Variants in GDAP1 observed in about 807,000 individuals in gnomAD.
GDAP1 encodes ganglioside induced differentiation associated protein 1.
In GDAP1, 34 loss-of-function variants were observed where a neutral mutation model predicts 40.1. The ratio of observed to expected loss-of-function variants is 0.85; its 90% CI spans 0.64 to 1.13. The LOEUF is 1.13. GDAP1 is among the 50% of genes most tolerant of loss of function. The pLI is 0.00. For synonymous variants in GDAP1, 170 were observed against 157.4 expected, an observed-to-expected ratio of 1.08 and a Z score of -0.60; for missense variants, 374 against 433.7, an observed-to-expected ratio of 0.86 and a Z score of 1.22.
intron 4 of GDAP1, among the ~76,000 whole-genome samples, chr8:74,362,223 C>A (rs774281600): frequency 6.6e-6 from 1 of 152,126 alleles, no homozygotes; most frequent in Non-Finnish European, 1.5e-5. Flanking sequence ...TTATGAAATG[C>A]AAAGGAAGTT....
intron 2 of GDAP1, among the ~76,000 whole-genome samples, chr8:74,446,808 A>G (rs892372418): frequency 6.6e-6 from 1 of 152,180 alleles, no homozygotes; most frequent in African/African-American, 2.4e-5. Context: ...GTCAGACATA[A>G]AAGACCGTGT....
At chr8:74,357,005 G>A (rs888174230) in intron 2 of GDAP1, among the ~76,000 whole-genome samples, 12 of 152,026 alleles carry the variant, frequency 7.9e-5, no homozygotes, top group Non-Finnish European at 1.3e-4. Context: ...ATGAGCCACC[G>A]TGCCCAGCCT....
chr8:74,360,998 CT>C (rs1268129295), intron 3 of GDAP1, among the ~76,000 whole-genome samples: 2 of 152,140 alleles, frequency 1.3e-5, no homozygotes, highest in Non-Finnish European at 2.9e-5. Flanking sequence ...TGATACTCAC[CT>C]TTATTATTCT....
At chr8:74,474,824 G>T (rs1586846564) in intron 2 of GDAP1, among the ~76,000 whole-genome samples, 2 of 152,242 alleles carry the variant, frequency 1.3e-5, no homozygotes, top group Admixed American at 1.3e-4. Context: ...AGTTGGGGAG[G>T]GATCCCTTCT....
intron 2 of GDAP1, among the ~76,000 whole-genome samples, chr8:74,386,824 A>G (rs932549320): frequency 2.0e-5 from 3 of 152,320 alleles, no homozygotes; most frequent in Admixed American, 2.0e-4. Flanking sequence ...TGAGCATGGA[A>G]TATTTTTCCA....
At chr8:74,394,618 C>T (rs1404297759) in intron 2 of GDAP1, among the ~76,000 whole-genome samples, 1 of 151,544 alleles carries the variant, frequency 6.6e-6, no homozygotes, top group African/African-American at 2.4e-5. Context: ...TTTTAAAGCA[C>T]TTGATTTGTA....
intron 2 of GDAP1, among the ~76,000 whole-genome samples, chr8:74,430,208 T>C (rs1308230385): frequency 6.6e-6 from 1 of 152,234 alleles, no homozygotes; most frequent in Non-Finnish European, 1.5e-5. Context: ...CTGAAGGGCA[T>C]TTTTATACAT....
rs560698305 is a variant in GDAP1 at position 74,464,168 on chromosome 8, G to T, written c.166-24510G>T. The stretch of plus-strand genomic sequence containing the variant: ...GACTTTTATCAACAAAACAGGTTTG[G>T]GTGAGGCATGCTAGAACCCCAAAGT... On this transcript the variant is annotated intron_variant, in intron 2 of 2. Transcript: ENST00000523640. 7.9e-5 allele frequency among the ~76,000 whole-genome samples: 12 copies of T among 152,186 alleles called. 1 individual carries two copies. The highest frequency in any genetic ancestry group is 2.9e-4 in the African/African-American group (12 of 41,510).
At position 74,444,018 on chromosome 8, in the gene GDAP1, CT is replaced by C. The variant is rs112748774; in HGVS notation, c.166-44659del. ...TCTATCTATCTATCTATCTATCTAT[CT>C]ATCTATCATCTATCATCTATTATAG... On this transcript the variant is annotated intron_variant, in intron 2 of 2. Coordinates refer to the GDAP1 transcript ENST00000523640. Among the ~76,000 whole-genome samples the C allele has an allele frequency of 3.2e-3, 357 of 110,254 alleles. 1 individual carries two copies. Among genetic ancestry groups the C allele is most frequent in the African/African-American group, 9.6e-3 (321 of 33,596 alleles). The allele number at this position is 110,254 out of a possible 152,430, so 72.3% of individuals were successfully genotyped here. A position where few individuals can be genotyped will look rare whatever the true frequency, so the allele number is the denominator to read the frequency against.
Position 74,364,242 on chromosome 8 carries a change from A to G in GDAP1, c.952A>G (p.Lys318Glu), listed in dbSNP as rs1809515744. The G allele has an allele frequency of 6.2e-7, 1 of 1,614,082 alleles. No individual in the cohort carries two copies. Among genetic ancestry groups the G allele is most frequent in the African/African-American group, 1.3e-5 (1 of 74,930 alleles). The change falls in exon 6 of 6, where the codon AAA becomes GAA. Residue 318 changes from lysine to glutamate, a missense_variant. Transcript: ENST00000220822. ...AFRVAKKRAP[K>E]VLGTTLVVGL... is the part of the protein sequence containing the mutation. ...CCGGGTGGCCAAGAAAAGGGCCCCAAAAGTTCTTGGCACGACCCTTGTGGT... is the reference window on the plus strand; with the variant it reads ...CCGGGTGGCCAAGAAAAGGGCCCCAGAAGTTCTTGGCACGACCCTTGTGGT...
At position 74,364,479 on chromosome 8, in the gene GDAP1, A is replaced by G; in HGVS notation, c.*112A>G. 1 of 1,113,824 alleles carries G rather than the reference A, an allele frequency of 9.0e-7. No homozygotes were observed. The highest frequency in any genetic ancestry group is 1.4e-6 in the Non-Finnish European group (1 of 740,538). 69.0% of individuals were successfully genotyped at this position (1,113,824 alleles called of 1,614,324 possible). On this transcript the variant is annotated 3_prime_UTR_variant, in exon 6 of 6. Transcript: ENST00000220822. ...AGTAGTTAGCAGTATTTTTTCCTAA[A>G]ATTCAGAAGTCATCTTTGTTACACA... is the stretch of plus-strand genomic sequence containing the variant.
At chr8:74,427,615 C>T (rs559142558) in intron 2 of GDAP1, among the ~76,000 whole-genome samples, 1 of 152,078 alleles carries the variant, frequency 6.6e-6, no homozygotes, top group Non-Finnish European at 1.5e-5. Context: ...TGTCTTTGTA[C>T]CCTGAGAGGC....
chr8:74,423,222 T>A (rs13280441), intron 2 of GDAP1, among the ~76,000 whole-genome samples: 62,677 of 146,336 alleles, frequency 0.43, 14,114 homozygotes, highest in African/African-American at 0.58. Context: ...ATATGTATAC[T>A]ATATATAATA....
At chr8:74,358,026 C>G (rs1407238152) in intron 2 of GDAP1, among the ~76,000 whole-genome samples, 1 of 152,156 alleles carries the variant, frequency 6.6e-6, no homozygotes, top group Non-Finnish European at 1.5e-5. Flanking sequence ...CCCTGTGATA[C>G]TGGAGAGGGC....
rs1055897282 is a variant in GDAP1, at chr8:74,398,428, C to T, written c.165+47107C>T. Among the ~76,000 whole-genome samples, 6 of 152,252 alleles carry T rather than the reference C, an allele frequency of 3.9e-5. No homozygotes were observed. In the East Asian group the frequency reaches 1.2e-3, roughly 29 times the overall value. On this transcript the variant is annotated intron_variant, in intron 2 of 2. Coordinates refer to the GDAP1 transcript ENST00000523640. ...CTGAGACTTTGCTGAAGTTGCTTCT[C>T]AGCTTAAGGAGATTTTGGGCTGAAG...
intron 2 of GDAP1, among the ~76,000 whole-genome samples, chr8:74,396,410 G>A (rs925700584): frequency 8.6e-5 from 13 of 150,854 alleles, no homozygotes; most frequent in Non-Finnish European, 1.8e-4. Flanking sequence ...CAATATGCAG[G>A]TTAGTTACAT....
intron 2 of GDAP1, among the ~76,000 whole-genome samples, chr8:74,473,053 C>A (rs2128720786): frequency 6.7e-6 from 1 of 150,326 alleles, no homozygotes; most frequent in South Asian, 2.1e-4. Flanking sequence ...CCCAGCCGAG[C>A]TTTTTTTCCT....
At chr8:74,377,916 A>T (rs1273853333) in intron 2 of GDAP1, among the ~76,000 whole-genome samples, 5 of 152,140 alleles carry the variant, frequency 3.3e-5, no homozygotes, top group Non-Finnish European at 5.9e-5. Flanking sequence ...TGTTCTATTC[A>T]TACAGTGGAA....
At chr8:74,386,377 G>A (rs1385419512) in intron 2 of GDAP1, among the ~76,000 whole-genome samples, 1 of 152,170 alleles carries the variant, frequency 6.6e-6, no homozygotes, top group Non-Finnish European at 1.5e-5. Context: ...AAGGTGTAAG[G>A]ATGGGGTCCA....
Sources: allele counts gnomAD v4.1 joint callset (sites outside exome capture counted in the v4.1 genomes callset), GRCh38; gene constraint gnomAD v4.1.1; transcripts MANE v1.5; gene names NCBI Gene and HGNC (gene_info 2026-07-23, HGNC 2026-07-21).